CELF2: variants seen among roughly 807,000 people sequenced by gnomAD.
CELF2 encodes the protein CUG triplet repeat RNA-binding protein 2.
CELF2 carries 8 observed loss-of-function variants against 62.6 expected under a neutral mutation model. The observed-to-expected ratio is 0.13, with a 90% confidence interval of 0.07 to 0.23. The LOEUF is 0.23. Ranked by LOEUF, CELF2 falls within the 10% of genes least tolerant of loss-of-function variation. The probability of loss-of-function intolerance (pLI) is 1.00; values close to 1 mark genes in which losing one functional copy is unlikely to be tolerated. For synonymous variants in CELF2, 258 were observed against 250.0 expected, an observed-to-expected ratio of 1.03 and a Z score of -0.30; for missense variants, 333 against 671.0, an observed-to-expected ratio of 0.50 and a Z score of 5.56.
chr10:10,733,584 T>A, the CELF2 span, among the ~76,000 whole-genome samples: 1 of 148,424 alleles, frequency 6.7e-6, no homozygotes, highest in African/African-American at 2.5e-5. Context: ...AAGAAAGAGG[T>A]TTAATGGACT....
intron 1 of CELF2, among the ~76,000 whole-genome samples, chr10:11,071,214 G>A (rs947991239): frequency 1.3e-5 from 2 of 152,162 alleles, no homozygotes; most frequent in African/African-American, 4.8e-5. Context: ...GTTCCACTTG[G>A]CCTGTGTTTT....
chr10:11,198,440 G>A (rs115383712), intron 2 of CELF2, among the ~76,000 whole-genome samples: 125 of 152,288 alleles, frequency 8.2e-4, no homozygotes, highest in African/African-American at 2.9e-3. Flanking sequence ...CACTTAATCT[G>A]TTGCCAACAT....
At chr10:10,807,478 G>A (rs2055352079) in intron 1 of CELF2, among the ~76,000 whole-genome samples, 1 of 152,088 alleles carries the variant, frequency 6.6e-6, no homozygotes, top group South Asian at 2.1e-4. Context: ...TTCCAATTAT[G>A]TTCTATTATA....
chr10:10,669,431 C>T, the CELF2 span, among the ~76,000 whole-genome samples: 20 of 152,308 alleles, frequency 1.3e-4, no homozygotes, highest in African/African-American at 4.6e-4. Context: ...GGTGACATTA[C>T]AGAACTGGAG....
chr10:10,768,709 G>T, the CELF2 span, among the ~76,000 whole-genome samples: 1 of 151,834 alleles, frequency 6.6e-6, no homozygotes, highest in South Asian at 2.1e-4. Flanking sequence ...AAGTACCGGG[G>T]TGTACAGGTA....
chr10:11,133,818 C>T (rs2059982483), intron 1 of CELF2, among the ~76,000 whole-genome samples: 1 of 152,196 alleles, frequency 6.6e-6, no homozygotes, highest in African/African-American at 2.4e-5. Context: ...AAAGGTACAG[C>T]TTCTTACAGA....
At chr10:10,802,913 C>T (rs2054818325) in intron 1 of CELF2, among the ~76,000 whole-genome samples, 1 of 152,162 alleles carries the variant, frequency 6.6e-6, no homozygotes, top group Non-Finnish European at 1.5e-5. Context: ...TCTATAATGT[C>T]CCCCCAAGAA....
At chr10:10,680,796 C>T in the CELF2 span, among the ~76,000 whole-genome samples, 1 of 152,156 alleles carries the variant, frequency 6.6e-6, no homozygotes, top group Non-Finnish European at 1.5e-5. Context: ...AGGGAAAAGG[C>T]CAGAGCTCTC....
the CELF2 span, among the ~76,000 whole-genome samples, chr10:10,512,307 C>G: frequency 1.3e-5 from 2 of 151,848 alleles, no homozygotes; most frequent in East Asian, 1.9e-4. Context: ...AGTACCATAC[C>G]ATCACAATAG....
chr10:11,099,760 A>C (rs990997262), intron 1 of CELF2, among the ~76,000 whole-genome samples: 9 of 152,072 alleles, frequency 5.9e-5, no homozygotes, highest in Non-Finnish European at 1.0e-4. Context: ...AAATTGCAGA[A>C]TCTTTCTCGT....
At chr10:11,183,906 G>C (rs2074163886) in intron 2 of CELF2, among the ~76,000 whole-genome samples, 1 of 152,168 alleles carries the variant, frequency 6.6e-6, no homozygotes, top group South Asian at 2.1e-4. Flanking sequence ...TTAAAAAGCA[G>C]TTTCTAATTT....
At chr10:11,103,191 G>T (rs987968448) in intron 1 of CELF2, among the ~76,000 whole-genome samples, 1 of 151,888 alleles carries the variant, frequency 6.6e-6, no homozygotes, top group African/African-American at 2.4e-5. Flanking sequence ...ATCAGAATTC[G>T]AAAAAAATCC....
intron 1 of CELF2, among the ~76,000 whole-genome samples, chr10:11,121,327 A>G (rs992662590): frequency 6.6e-6 from 1 of 152,186 alleles, no homozygotes. Context: ...GAGTCTTTGT[A>G]GGTCTGGACT....
the CELF2 span, among the ~76,000 whole-genome samples, chr10:10,718,752 A>G: frequency 6.6e-6 from 1 of 151,976 alleles, no homozygotes; most frequent in Admixed American, 6.6e-5. Context: ...TGTCCTCATC[A>G]CACCCAGGGA....
chr10:11,138,942 C>A (rs978367267), intron 1 of CELF2, among the ~76,000 whole-genome samples: 2 of 152,148 alleles, frequency 1.3e-5, no homozygotes, highest in South Asian at 4.1e-4. Context: ...TGTGACTGAA[C>A]TGATGGGAGT....
intron 3 of CELF2, among the ~76,000 whole-genome samples, chr10:11,248,304 T>C (rs931605557): frequency 2.0e-5 from 3 of 152,164 alleles, no homozygotes; most frequent in Non-Finnish European, 4.4e-5. Flanking sequence ...ATGGGCACTT[T>C]AGGAAGAGCC....
chr10:10,967,978 G>A (rs372677377), intron 2 of CELF2, among the ~76,000 whole-genome samples: 1 of 152,152 alleles, frequency 6.6e-6, no homozygotes, highest in East Asian at 1.9e-4. Context: ...AGAAAAAAAT[G>A]TAAGTTATTA....
chr10:10,633,113 T>G, the CELF2 span, among the ~76,000 whole-genome samples: 2 of 152,236 alleles, frequency 1.3e-5, no homozygotes, highest in East Asian at 1.9e-4. Context: ...ATCATCATTA[T>G]TATTCATGAT....
At chr10:10,567,255 G>A in the CELF2 span, among the ~76,000 whole-genome samples, 14 of 152,176 alleles carry the variant, frequency 9.2e-5, no homozygotes, top group East Asian at 1.9e-4. Context: ...CTAGAGAATC[G>A]TGTTACACTT....
Sources: allele counts gnomAD v4.1 joint callset (sites outside exome capture counted in the v4.1 genomes callset), GRCh38; gene constraint gnomAD v4.1.1; transcripts MANE v1.5; gene names NCBI Gene and HGNC (gene_info 2026-07-23, HGNC 2026-07-21).